The following FMNL2 variants were observed in gnomAD, a reference collection of about 807,000 sequenced individuals.
The protein encoded by FMNL2 is formin-like protein 2.
A neutral mutation model predicts 130.2 loss-of-function variants in FMNL2; 51 were observed. The observed-to-expected ratio is 0.39, with a 90% CI of 0.31 to 0.49. FMNL2 has a LOEUF of 0.49. Ranked by LOEUF, FMNL2 falls within the 20% of genes least tolerant of loss-of-function variation. FMNL2 has a pLI of 0.85. For missense variants in FMNL2, 977 were observed against 1,316.2 expected (o/e 0.74, Z 3.99); for synonymous variants, 465 against 467.1 (o/e 1.00, Z 0.06).
chr2:152,374,254 C>G (rs1684043193), intron 1 of FMNL2, among the ~76,000 whole-genome samples: 1 of 152,154 alleles, frequency 6.6e-6, no homozygotes, highest in South Asian at 2.1e-4. Flanking sequence ...AGAATAACCA[C>G]TCTGGGGTGG....
chr2:152,625,353 C>T, intron 15 of FMNL2, 85 bp from the exon 16 acceptor site: 2 of 1,478,134 alleles, frequency 1.4e-6, no homozygotes, highest in Non-Finnish European at 1.8e-6. Context: ...GTCAAAGTGT[C>T]ATCTGCAAGG....
chr2:152,538,068 C>T (rs1038539441), intron 2 of FMNL2, among the ~76,000 whole-genome samples: 2 of 152,108 alleles, frequency 1.3e-5, no homozygotes, highest in South Asian at 4.1e-4. Context: ...AGTTAAAAAT[C>T]AGAGAAACAA....
At chr2:152,391,213 C>T (rs1685089138) in intron 1 of FMNL2, among the ~76,000 whole-genome samples, 1 of 152,220 alleles carries the variant, frequency 6.6e-6, no homozygotes, top group South Asian at 2.1e-4. Context: ...GATGCAGTCA[C>T]ATATGCCTTT....
At chr2:152,614,750 A>T in intron 11 of FMNL2, 101 bp from the exon 12 acceptor site, 1 of 1,337,024 alleles carries the variant, frequency 7.5e-7, no homozygotes, top group South Asian at 1.6e-5. Context: ...CTCAAAACAA[A>T]ACAAAACAAA....
chr2:152,346,496 A>G (rs1049334856), intron 1 of FMNL2, among the ~76,000 whole-genome samples: 1 of 151,944 alleles, frequency 6.6e-6, no homozygotes, highest in Non-Finnish European at 1.5e-5. Context: ...TTAAAAAAAG[A>G]AACCACACAC....
At chr2:152,592,011 G>A (rs969881609) in intron 9 of FMNL2, among the ~76,000 whole-genome samples, 4 of 152,120 alleles carry the variant, frequency 2.6e-5, no homozygotes, top group Non-Finnish European at 5.9e-5. Context: ...GCTGAGGCAG[G>A]AGAATCGCTT....
intron 1 of FMNL2, among the ~76,000 whole-genome samples, chr2:152,353,821 C>T (rs889725943): frequency 1.3e-5 from 2 of 152,146 alleles, no homozygotes; most frequent in African/African-American, 4.8e-5. Flanking sequence ...AAGCTGTGGA[C>T]TTTAACTGGA....
intron 1 of FMNL2, among the ~76,000 whole-genome samples, chr2:152,429,503 T>A (rs1432103587): frequency 2.0e-5 from 3 of 152,190 alleles, no homozygotes; most frequent in Non-Finnish European, 4.4e-5. Flanking sequence ...AAAAGCTTAG[T>A]ATTTCAATGT....
At chr2:152,581,168 T>A in intron 9 of FMNL2, 119 bp downstream of exon 9, 1 of 798,560 alleles carries the variant, frequency 1.3e-6, no homozygotes, top group Non-Finnish European at 1.9e-6. Flanking sequence ...AGTTAATTTC[T>A]AAGATCTCAC....
intron 1 of FMNL2, among the ~76,000 whole-genome samples, chr2:152,474,751 GC>G (rs1435328964): frequency 6.6e-6 from 1 of 152,122 alleles, no homozygotes; most frequent in African/African-American, 2.4e-5. Context: ...TTTAGACTGT[GC>G]TTAGTTGCCA....
At chr2:152,533,077 T>C (rs1213577059) in intron 2 of FMNL2, among the ~76,000 whole-genome samples, 1 of 152,234 alleles carries the variant, frequency 6.6e-6, no homozygotes, top group Non-Finnish European at 1.5e-5. Context: ...CAAAAGTTTT[T>C]CTGATTAAAT....
intron 1 of FMNL2, among the ~76,000 whole-genome samples, chr2:152,422,374 A>G (rs777931678): frequency 3.3e-5 from 5 of 152,184 alleles, no homozygotes; most frequent in African/African-American, 9.7e-5. Context: ...GGGACCAGGA[A>G]TAGATTGGCA....
chr2:152,468,787 G>A (rs1359282241), intron 1 of FMNL2, among the ~76,000 whole-genome samples: 4 of 152,108 alleles, frequency 2.6e-5, no homozygotes, highest in Non-Finnish European at 4.4e-5. Flanking sequence ...ATACTCCCCT[G>A]TACAACAATA....
At chr2:152,373,282 G>A (rs1023635310) in intron 1 of FMNL2, among the ~76,000 whole-genome samples, 1 of 152,182 alleles carries the variant, frequency 6.6e-6, no homozygotes, top group Admixed American at 6.5e-5. Context: ...TTAATGGTAT[G>A]GGTGAAGTCT....
At position 152,368,956 on chromosome 2, in the gene FMNL2, G is replaced by T. The variant is rs190269679; in HGVS notation, c.117+33236G>T. On this transcript the variant is annotated intron_variant, in intron 1 of 25. Coordinates refer to ENST00000288670, the MANE Select transcript of FMNL2 (RefSeq NM_052905.4). The stretch of plus-strand genomic sequence containing the variant: ...TGTGTGTGTTTTTTAAGGCATCAGG[G>T]TTATATCTGAATCATCATCTTTTGC... Among the ~76,000 whole-genome samples the T allele has an allele frequency of 3.9e-5, 6 of 152,248 alleles. No homozygotes were observed. The South Asian group carries it at 1.0e-3, about 26-fold the overall frequency.
Position 152,607,470 on chromosome 2 carries a change from TACACACACACACACAC to T in FMNL2, c.951+79_951+94del, listed in dbSNP as rs3080598. ...TCAGTTTCAATACTTTTTTTCTAAA[TACACACACACACACAC>T]ACACACACACACACACACACATATT... On this transcript the variant is annotated intron_variant, in intron 10 of 25. Transcript: ENST00000288670. The T allele has an allele frequency of 1.5e-4, 95 of 617,856 alleles. No homozygotes were observed. The Admixed American group carries it at 2.0e-3, about 13-fold the overall frequency. 38.3% of individuals were successfully genotyped at this position (617,856 alleles called of 1,614,324 possible).
At chr2:152,566,954 G>T (rs1414662441) in intron 6 of FMNL2, among the ~76,000 whole-genome samples, 8 of 152,196 alleles carry the variant, frequency 5.3e-5, no homozygotes, top group Non-Finnish European at 5.9e-5. Flanking sequence ...GCTTCCTTTA[G>T]GAGACAGTGA....
chr2:152,398,748 T>C (rs1243422591), intron 1 of FMNL2, among the ~76,000 whole-genome samples: 1 of 152,222 alleles, frequency 6.6e-6, no homozygotes, highest in East Asian at 1.9e-4. Context: ...GATTGATTTA[T>C]CTGAGACCAC....
At chr2:152,459,639 G>A (rs959075302) in intron 1 of FMNL2, among the ~76,000 whole-genome samples, 1 of 152,066 alleles carries the variant, frequency 6.6e-6, no homozygotes. Context: ...TAAAAAACGA[G>A]CTATTTCAGA....
Sources: gnomAD v4.1 joint callset for allele counts (sites outside exome capture counted in the v4.1 genomes callset) on GRCh38, gnomAD v4.1.1 for gene constraint, MANE v1.5 for transcripts, NCBI Gene and HGNC (gene_info 2026-07-23, HGNC 2026-07-21) for gene names.